MITF: variants seen among roughly 807,000 people sequenced by gnomAD.
MITF encodes the protein melanocyte inducing transcription factor.
In MITF, 17 loss-of-function variants were observed where a neutral mutation model predicts 60.5. The observed-to-expected ratio is 0.28, with a 90% CI of 0.19 to 0.42. The LOEUF is 0.42. Among genes scored for constraint, MITF ranks in the 10% least tolerant of loss-of-function variants. The probability of loss-of-function intolerance (pLI) is 1.00; values close to 1 mark genes in which losing one functional copy is unlikely to be tolerated. For missense variants in MITF, 622 were observed against 683.5 expected (o/e 0.91, Z 1.00); for synonymous variants, 260 against 248.5 (o/e 1.05, Z -0.43).
At chr3:69,854,588 A>T (rs2063883648) in intron 1 of MITF, among the ~76,000 whole-genome samples, 1 of 152,066 alleles carries the variant, frequency 6.6e-6, no homozygotes, top group African/African-American at 2.4e-5. Context: ...GAATGTGTGG[A>T]TGTGGAGCTT....
At chr3:69,853,498 G>T (rs2063861127) in intron 1 of MITF, among the ~76,000 whole-genome samples, 1 of 151,776 alleles carries the variant, frequency 6.6e-6, no homozygotes, top group African/African-American at 2.4e-5. Context: ...AGCAATACCT[G>T]TCCGTTTAGT....
intron 1 of MITF, among the ~76,000 whole-genome samples, chr3:69,854,084 G>A (rs1312455840): frequency 2.0e-5 from 3 of 151,916 alleles, no homozygotes; most frequent in South Asian, 2.1e-4. Flanking sequence ...TCCTGACCTC[G>A]TGATCCTCCC....
chr3:69,936,505 A>G, intron 2 of MITF: 3 of 1,135,026 alleles, frequency 2.6e-6, no homozygotes, highest in East Asian at 2.8e-5. Context: ...GCTTCCAAAA[A>G]AAAGGCCCTT....
In MITF at chr3:69,965,139, C is replaced by A; in HGVS notation, c.1472C>A (p.Ser491Tyr). Residue 491 changes from serine to tyrosine, a missense_variant, in exon 10 of 10, where the codon TCT (serine) becomes TAT (tyrosine). By Grantham distance (144) the Ser-to-Tyr change is moderately radical (BLOSUM62 -2). Coordinates refer to ENST00000352241, the MANE Select transcript of MITF (RefSeq NM_001354604.2). The part of the protein sequence containing the change: ...LEDILMDDTL[S>Y]PVGVTDPLLS... ...GACATCCTGATGGACGACACCCTTT[C>A]TCCCGTCGGTGTCACTGATCCACTC... is the stretch of plus-strand genomic sequence containing the variant. The A allele has an allele frequency of 6.2e-7, 1 of 1,614,128 alleles. No homozygotes were observed. Among genetic ancestry groups the A allele is most frequent in the Non-Finnish European group, 8.5e-7 (1 of 1,179,998 alleles).
chr3:69,749,827 G>C (rs1426772277), intron 1 of MITF, among the ~76,000 whole-genome samples: 1 of 152,038 alleles, frequency 6.6e-6, no homozygotes, highest in African/African-American at 2.4e-5. Flanking sequence ...ATCTCAGCGT[G>C]GTAATTTTTC....
chr3:69,826,606 A>G (rs2063358881), intron 1 of MITF, among the ~76,000 whole-genome samples: 1 of 152,074 alleles, frequency 6.6e-6, no homozygotes, highest in Admixed American at 6.5e-5. Context: ...GAGTTAGACA[A>G]CTCATTAACT....
rs4057977 is a variant in MITF, at chr3:69,889,025, G to GTTT, written c.354+9666_354+9668dup. On this transcript the variant is annotated intron_variant, in intron 2 of 9. Coordinates refer to ENST00000352241, the MANE Select transcript of MITF (RefSeq NM_001354604.2). ...AGACAGGCTGTAGTAATAGCCTTTG[G>GTTT]TTTTTTTTTTTTTTTTTTTTTTTTT... Among the ~76,000 whole-genome samples the GTTT allele has an allele frequency of 6.3e-3, 372 of 58,802 alleles. 46 individuals carry two copies. Among genetic ancestry groups the GTTT allele is most frequent in the South Asian group, 0.012 (13 of 1,102 alleles). 38.6% of individuals were successfully genotyped at this position (58,802 alleles called of 152,430 possible). A position where few individuals can be genotyped will look rare whatever the true frequency, so the allele number is the denominator to read the frequency against.
intron 1 of MITF, among the ~76,000 whole-genome samples, chr3:69,863,098 G>A (rs575780539): frequency 2.6e-5 from 4 of 151,892 alleles, no homozygotes; most frequent in South Asian, 4.2e-4. Context: ...TACATATTAC[G>A]TTGATTCATT....
intron 1 of MITF, among the ~76,000 whole-genome samples, chr3:69,848,767 C>T (rs2063773492): frequency 1.3e-5 from 2 of 152,100 alleles, no homozygotes; most frequent in Admixed American, 1.3e-4. Flanking sequence ...AAAGAGCAGA[C>T]ACTGATGATG....
intron 1 of MITF, among the ~76,000 whole-genome samples, chr3:69,756,484 A>T (rs1213076302): frequency 6.6e-6 from 1 of 151,858 alleles, no homozygotes; most frequent in Non-Finnish European, 1.5e-5. Flanking sequence ...TTATGGCTGC[A>T]TTGTATTCCA....
chr3:69,862,580 T>C (rs1453908655), intron 1 of MITF, among the ~76,000 whole-genome samples: 1 of 152,218 alleles, frequency 6.6e-6, no homozygotes, highest in Non-Finnish European at 1.5e-5. Flanking sequence ...TAGCATTACT[T>C]TTCTTCAGCT....
intron 2 of MITF, among the ~76,000 whole-genome samples, chr3:69,917,182 A>G (rs890195263): frequency 2.6e-5 from 4 of 152,156 alleles, no homozygotes; most frequent in African/African-American, 9.7e-5. Context: ...GTGTGGGTGT[A>G]TCTGAAAAAT....
At chr3:69,756,248 G>A (rs1291914333) in intron 1 of MITF, among the ~76,000 whole-genome samples, 2 of 151,952 alleles carry the variant, frequency 1.3e-5, no homozygotes, top group East Asian at 1.9e-4. Context: ...AGCCCTACAT[G>A]CATTAGGTGT....
At chr3:69,939,251 C>T (rs2065915389) in intron 4 of MITF, 70 bp downstream of exon 4, 1 of 1,378,504 alleles carries the variant, frequency 7.3e-7, no homozygotes, top group Non-Finnish European at 1.0e-6. Context: ...GTGGATCACA[C>T]CTTCCTGAAA....
intron 1 of MITF, among the ~76,000 whole-genome samples, chr3:69,773,109 A>T (rs138803316): frequency 2.4e-4 from 36 of 152,284 alleles, no homozygotes; most frequent in Middle Eastern, 3.4e-3. Context: ...CCCAAAGAAG[A>T]TGAGGGAGTC....
At chr3:69,766,675 G>T (rs373784991) in intron 1 of MITF, among the ~76,000 whole-genome samples, 5 of 152,106 alleles carry the variant, frequency 3.3e-5, no homozygotes, top group African/African-American at 1.2e-4. Context: ...GACCCTGTGG[G>T]TCTGTCTCCC....
intron 1 of MITF, among the ~76,000 whole-genome samples, chr3:69,762,261 G>T (rs1276878320): frequency 6.6e-6 from 1 of 152,092 alleles, no homozygotes; most frequent in Non-Finnish European, 1.5e-5. Flanking sequence ...ATATTTAGTG[G>T]GTTCTATCAG....
chr3:69,951,690 A>AT, intron 6 of MITF, 122 bp from the exon 7 acceptor site: 1 of 737,120 alleles, frequency 1.4e-6, no homozygotes, highest in Non-Finnish European at 2.4e-6. Context: ...AAAAAAACGT[A>AT]TTTTTACTTA....
At chr3:69,824,093 A>G (rs543750079) in intron 1 of MITF, among the ~76,000 whole-genome samples, 68 of 152,344 alleles carry the variant, frequency 4.5e-4, no homozygotes, top group Admixed American at 4.6e-4. Flanking sequence ...TTGTCAGAAG[A>G]CTGATATTGT....
Sources: allele counts gnomAD v4.1 joint callset (sites outside exome capture counted in the v4.1 genomes callset), GRCh38; gene constraint gnomAD v4.1.1; transcripts MANE v1.5; gene names NCBI Gene and HGNC (gene_info 2026-07-23, HGNC 2026-07-21).